Variants in ANKRD34B observed in about 807,000 individuals in gnomAD.
The protein encoded by ANKRD34B is ankyrin repeat domain 34B, also known as ankyrin repeat domain-containing protein 34B.
A neutral mutation model predicts 4.4 loss-of-function variants in ANKRD34B; 2 were observed. The ratio of observed to expected loss-of-function variants is 0.46; its 90% CI spans 0.19 to 1.44. The LOEUF (loss-of-function observed/expected upper bound fraction) is 1.44, where lower values mean the gene tolerates loss of function less well. ANKRD34B is among the 40% of genes most tolerant of loss of function. The probability of loss-of-function intolerance (pLI) is 0.26; values close to 1 mark genes in which losing one functional copy is unlikely to be tolerated. For synonymous variants in ANKRD34B, 226 were observed against 227.1 expected (o/e 0.99, Z 0.05); for missense variants, 558 against 604.7 (o/e 0.92, Z 0.81).
In ANKRD34B at chr5:80,568,471, G is replaced by T. The variant is rs181420518; in HGVS notation, c.-191+489C>A. Among the ~76,000 whole-genome samples, 16 of 152,302 alleles carry T rather than the reference G, an allele frequency of 1.1e-4. No individual in the cohort carries two copies. In the East Asian group the frequency reaches 3.1e-3, roughly 29 times the overall value. On this transcript the variant is annotated intron_variant, in intron 2 of 4. Transcript: ENST00000338682. ...GGACAGCCTTGAATTAGTAGAATGGGCCAGGAGCTGGAGGTTTGCTGCCCT... is the reference window on the plus strand; with the variant it reads ...GGACAGCCTTGAATTAGTAGAATGGTCCAGGAGCTGGAGGTTTGCTGCCCT...
intron 3 of ANKRD34B, chr5:80,564,239 T>C (rs576998578): frequency 6.6e-6 from 1 of 152,402 alleles, no homozygotes; most frequent in Admixed American, 6.5e-5. Context: ...CTTGATCTCC[T>C]GGCCTCAAAC....
chr5:80,559,065 A>G lies in ANKRD34B; in HGVS notation c.955T>C (p.Tyr319His). The change falls in exon 5 of 5, where the codon TAT (tyrosine) becomes CAT (histidine). Residue 319 changes from tyrosine to histidine, a missense_variant. Tyr to His is a moderately conservative substitution (Grantham distance 83, BLOSUM62 2). Transcript: ENST00000338682. ...FDQASSRKMSYDEINCQSYLS... is the reference protein window; with the variant it reads ...FDQASSRKMSHDEINCQSYLS... ...TAAGATTGACAATTTATTTCATCAT[A>G]TGACATCTTCCTTGAGCTGGCCTGA... 6.2e-7 allele frequency: 1 copy of G among 1,614,230 alleles called. No individual in the cohort carries two copies. The highest frequency in any genetic ancestry group is 8.5e-7 in the Non-Finnish European group (1 of 1,180,038).
intron 3 of ANKRD34B, chr5:80,564,449 C>T (rs994685740): frequency 3.9e-5 from 6 of 152,300 alleles, no homozygotes; most frequent in African/African-American, 1.2e-4. Context: ...GGAGCCGGTA[C>T]TATGCTGGCG....
Position 80,559,016 on chromosome 5 carries a change from C to A in ANKRD34B, c.1004G>T (p.Cys335Phe). Residue 335 changes from cysteine to phenylalanine, a missense_variant, in exon 5 of 5, where the codon TGC becomes TTC. Physicochemically the swap from Cys to Phe is radical, Grantham distance 205 (BLOSUM62 -2). Coordinates refer to ENST00000338682, the MANE Select transcript of ANKRD34B (RefSeq NM_001004441.3). ...QSYLSEGNQQ[C>F]IEVPVDQDPD... ...GTCCTGGTCAACAGGGACTTCAATG[C>A]ATTGCTGATTTCCTTCTGAAAGATA... is the stretch of plus-strand genomic sequence containing the variant. 1 of 1,614,186 alleles carries A rather than the reference C, an allele frequency of 6.2e-7. No individual in the cohort carries two copies. The highest frequency in any genetic ancestry group is 2.2e-5 in the East Asian group (1 of 44,882).
rs1171536769 is a variant in ANKRD34B at position 80,569,037 on chromosome 5, C to T, written c.-268G>A. On this transcript the variant is annotated 5_prime_UTR_variant, in exon 2 of 5. Transcript: ENST00000338682. ...GGATGCTGGCAGCGTCTCCACGGTCCCCGCCGACCCCTGGAACCAGGCGCG... is the reference window on the plus strand; with the variant it reads ...GGATGCTGGCAGCGTCTCCACGGTCTCCGCCGACCCCTGGAACCAGGCGCG... 6.6e-6 allele frequency: 1 copy of T among 152,238 alleles called. No homozygotes were observed. The highest frequency in any genetic ancestry group is 6.5e-5 in the Admixed American group (1 of 15,272). 9.4% of individuals were successfully genotyped at this position (152,238 alleles called of 1,614,324 possible). A position where few individuals can be genotyped will look rare whatever the true frequency, so the allele number is the denominator to read the frequency against.
At position 80,567,634 on chromosome 5, in the gene ANKRD34B, AAAG is replaced by A. The variant is rs1459359660; in HGVS notation, c.-190-863_-190-861del. ...AAGACTCCGTCTCAAAAAAAAAAAA[AAAG>A]AAAAGAAAAGAAAAGAAGGAAAAGT... On this transcript the variant is annotated intron_variant, in intron 2 of 4. Coordinates refer to ENST00000338682, the MANE Select transcript of ANKRD34B (RefSeq NM_001004441.3). 1.7e-4 allele frequency among the ~76,000 whole-genome samples: 19 copies of A among 109,846 alleles called. 2 individuals carry two copies. Among genetic ancestry groups the A allele is most frequent in the East Asian group, 4.6e-4 (1 of 2,158 alleles). The allele number at this position is 109,846 out of a possible 152,430, so 72.1% of individuals were successfully genotyped here.
chr5:80,566,150 C>G (rs1429746598), intron 3 of ANKRD34B, among the ~76,000 whole-genome samples: 1 of 152,056 alleles, frequency 6.6e-6, no homozygotes, highest in African/African-American at 2.4e-5. Context: ...CAATTTCAAA[C>G]AAGCTCTGGA....
In ANKRD34B at chr5:80,559,233, A is replaced by G. The variant is rs771898764; in HGVS notation, c.787T>C (p.Ser263Pro). Residue 263 changes from serine to proline, a missense_variant, in exon 5 of 5, where the codon TCA becomes CCA. Transcript: ENST00000338682. ...PLLMHQNRVASLQEELQDITP... is the reference protein window; with the variant it reads ...PLLMHQNRVAPLQEELQDITP... ...ATATCCTGGAGCTCCTCTTGCAATG[A>G]AGCCACTCTGTTCTGGTGCATTAAT... 58 of 1,614,028 alleles carry G rather than the reference A, an allele frequency of 3.6e-5. No individual in the cohort carries two copies. Among genetic ancestry groups the G allele is most frequent in the Non-Finnish European group, 4.2e-5 (50 of 1,180,034 alleles).
Position 80,558,943 on chromosome 5 carries a change from A to T in ANKRD34B, c.1077T>A (p.Val359=), listed in dbSNP as rs754255840. 1.2e-6 allele frequency: 2 copies of T among 1,613,990 alleles called. No homozygotes were observed. Among genetic ancestry groups the T allele is most frequent in the African/African-American group, 2.7e-5 (2 of 74,894 alleles). ...GATTTGCCCCCAAGTTTCTTTTTTG[A>T]ACTATACTTCTTAAGGTGGAAGCAA... ...TIFASTLRSI[V]QKRNLGANHY... Residue 359 remains valine (V), a synonymous_variant, in exon 5 of 5, where the codon GTT becomes GTA. Coordinates refer to ENST00000338682, the MANE Select transcript of ANKRD34B (RefSeq NM_001004441.3).
At position 80,558,567 on chromosome 5, in the gene ANKRD34B, G is replaced by T. The variant is rs770023945; in HGVS notation, c.1453C>A (p.Pro485Thr). 1.2e-6 allele frequency: 2 copies of T among 1,614,052 alleles called. No individual in the cohort carries two copies. The highest frequency in any genetic ancestry group is 2.2e-5 in the South Asian group (2 of 91,072). ...CGQKVLMPTV[P>T]IFPKEFKSKK... Reference sequence around the variant, plus strand: ...CTTTTGAATTCTTTAGGGAAAATCGGAACTGTTGGCATAAGCACTTTTTGA... The same window carrying T: ...CTTTTGAATTCTTTAGGGAAAATCGTAACTGTTGGCATAAGCACTTTTTGA... Residue 485 changes from proline (P) to threonine (T), a missense_variant, in exon 5 of 5, where the codon CCG becomes ACG. Coordinates refer to ENST00000338682, the MANE Select transcript of ANKRD34B (RefSeq NM_001004441.3).
chr5:80,564,275 G>A (rs556402126), intron 3 of ANKRD34B: 1 of 152,690 alleles, frequency 6.5e-6, no homozygotes, highest in Admixed American at 6.5e-5. Flanking sequence ...GCCTCCCAAA[G>A]TGTTGGGATT....
At chr5:80,567,819 C>G (rs1223617328) in intron 2 of ANKRD34B, among the ~76,000 whole-genome samples, 1 of 151,790 alleles carries the variant, frequency 6.6e-6, no homozygotes, top group African/African-American at 2.4e-5. Context: ...TATGTGCTGC[C>G]CCAAAGGGGA....
In ANKRD34B at chr5:80,559,566, TG is replaced by T. The variant is rs1746356460; in HGVS notation, c.453del (p.Thr152GlnfsTer16). 1 of 1,610,838 alleles carries T rather than the reference TG, an allele frequency of 6.2e-7. No individual in the cohort carries two copies. Among genetic ancestry groups the T allele is most frequent in the Non-Finnish European group, 8.5e-7 (1 of 1,177,658 alleles). ...TTCCCACAGGGCAACTTTGCTGTTG[TG>T]ATGATGATGACCTCTTTCCCTTTTG... ...CKAKGKEVII[I>X]TTAKLPCGKH... On this transcript the variant is annotated frameshift_variant, in exon 5 of 5. Coordinates refer to ENST00000338682, the MANE Select transcript of ANKRD34B (RefSeq NM_001004441.3). LOFTEE classifies it low-confidence loss of function (END_TRUNC).
chr5:80,565,795 G>A (rs1477722842), intron 3 of ANKRD34B, among the ~76,000 whole-genome samples: 2 of 152,184 alleles, frequency 1.3e-5, no homozygotes, highest in South Asian at 2.1e-4. Flanking sequence ...AAGATGCTAT[G>A]CTTCTTCTCA....
At chr5:80,564,184 AT>A (rs1324934806) in intron 3 of ANKRD34B, among the ~76,000 whole-genome samples, 1 of 152,004 alleles carries the variant, frequency 6.6e-6, no homozygotes, top group African/African-American at 2.4e-5. Flanking sequence ...TAAATATTTT[AT>A]TTTATTTTTT....
At chr5:80,563,661 C>G (rs1030219449) in intron 4 of ANKRD34B, 74 bp downstream of exon 4, 2 of 152,234 alleles carry the variant, frequency 1.3e-5, no homozygotes, top group South Asian at 4.2e-4. Flanking sequence ...TACATAAATG[C>G]AATGAGAGTG....
intron 3 of ANKRD34B, among the ~76,000 whole-genome samples, chr5:80,565,357 A>G (rs1422415142): frequency 6.6e-6 from 1 of 152,254 alleles, no homozygotes; most frequent in Non-Finnish European, 1.5e-5. Flanking sequence ...TGCTGATAGC[A>G]TACTAACATC....
Position 80,558,414 on chromosome 5 carries a change from T to C in ANKRD34B, c.*61A>G. The C allele has an allele frequency of 7.8e-7, 1 of 1,282,984 alleles. No individual in the cohort carries two copies. Among genetic ancestry groups the C allele is most frequent in the Non-Finnish European group, 1.1e-6 (1 of 924,848 alleles). 79.5% of individuals were successfully genotyped at this position (1,282,984 alleles called of 1,614,324 possible). ...AAAAGAATGAACATTTAAGATTTCT[T>C]CTCTAGTTCTTTGTTTCTCTGATAT... On this transcript the variant is annotated 3_prime_UTR_variant, in exon 5 of 5. Coordinates refer to ENST00000338682, the MANE Select transcript of ANKRD34B (RefSeq NM_001004441.3).
At chr5:80,562,751 T>C (rs562678183) in intron 4 of ANKRD34B, among the ~76,000 whole-genome samples, 140 of 152,338 alleles carry the variant, frequency 9.2e-4, no homozygotes, top group African/African-American at 3.2e-3. Context: ...AGGTGTCAGA[T>C]ACTTTATTCT....
Sources: allele counts gnomAD v4.1 joint callset (sites outside exome capture counted in the v4.1 genomes callset), GRCh38; gene constraint gnomAD v4.1.1; transcripts MANE v1.5; gene names NCBI Gene and HGNC (gene_info 2026-07-23, HGNC 2026-07-21).